AGL: variants seen among roughly 807,000 people sequenced by gnomAD.
The protein encoded by AGL is amylo-alpha-1,6-glucosidase and 4-alpha-glucanotransferase.
A neutral mutation model predicts 199.3 loss-of-function variants in AGL; 128 were observed. The observed-to-expected ratio is 0.64, with a 90% confidence interval of 0.56 to 0.74. AGL has a LOEUF of 0.74. AGL is among the 30% of genes least tolerant of loss of function. The pLI is 0.00. For missense variants in AGL, 1,809 were observed against 1,820.8 expected, an observed-to-expected ratio of 0.99 and a Z score of 0.12; for synonymous variants, 584 against 594.7, an observed-to-expected ratio of 0.98 and a Z score of 0.26.
chr1:99,854,657 G>T (rs930791133), intron 2 of AGL, among the ~76,000 whole-genome samples: 1 of 151,864 alleles, frequency 6.6e-6, no homozygotes, highest in Non-Finnish European at 1.5e-5. Context: ...CCAGCTACTC[G>T]GGAGGCTGAG....
intron 7 of AGL, 29 bp downstream of exon 7, chr1:99,870,898 T>C: frequency 7.4e-7 from 1 of 1,345,006 alleles, no homozygotes; most frequent in East Asian, 2.3e-5. Flanking sequence ...AATGTTCCTA[T>C]CGATTTTAAG....
Position 99,886,851 on chromosome 1 carries a change from T to A in AGL, c.2682-1127T>A, listed in dbSNP as rs546040964. On this transcript the variant is annotated intron_variant, in intron 20 of 33. Transcript: ENST00000361915. ...AGTAGTTGCATTCTTAACCAAAAAA[T>A]CTGTGATGAAGCAGCTTTGTGTTTG... Among the ~76,000 whole-genome samples the A allele has an allele frequency of 9.0e-4, 137 of 152,362 alleles. 1 individual carries two copies. The highest frequency in any genetic ancestry group is 9.1e-4 in the Non-Finnish European group (62 of 68,030).
Position 99,900,669 on chromosome 1 carries a change from G to T in AGL, c.3396G>T (p.Arg1132Ser). Residue 1132 changes from arginine to serine, a missense_variant, in exon 26 of 34, where the codon AGG becomes AGT. Coordinates refer to ENST00000361915, the MANE Select transcript of AGL (RefSeq NM_000642.3). ...TTTTAGCATTTGCGGGTACCCTGAGGCATGGTCTCATTCCTAATCTACTGG... is the reference window on the plus strand; with the variant it reads ...TTTTAGCATTTGCGGGTACCCTGAGTCATGGTCTCATTCCTAATCTACTGG... The part of the protein sequence containing the change: ...NIILAFAGTL[R>S]HGLIPNLLGE... The T allele has an allele frequency of 1.2e-6, 2 of 1,614,114 alleles. No homozygotes were observed. The highest frequency in any genetic ancestry group is 1.7e-6 in the Non-Finnish European group (2 of 1,180,004).
chr1:99,895,559 C>T (rs143116940), intron 24 of AGL, among the ~76,000 whole-genome samples: 49 of 152,206 alleles, frequency 3.2e-4, no homozygotes, highest in African/African-American at 1.1e-3. Flanking sequence ...GTAATAATTT[C>T]ATGTTTAGGT....
At chr1:99,915,958 A>G (rs769683889) in intron 31 of AGL, among the ~76,000 whole-genome samples, 13 of 152,216 alleles carry the variant, frequency 8.5e-5, no homozygotes, top group African/African-American at 1.7e-4. Context: ...GGCCAATTTT[A>G]ATTTTAAAAT....
intron 12 of AGL, among the ~76,000 whole-genome samples, chr1:99,878,269 C>T (rs1651716655): frequency 6.6e-6 from 1 of 151,596 alleles, no homozygotes; most frequent in African/African-American, 2.4e-5. Context: ...CACTTGAACC[C>T]AGGAGGTGGA....
intron 2 of AGL, among the ~76,000 whole-genome samples, chr1:99,860,329 T>G (rs1649930652): frequency 6.6e-6 from 1 of 151,984 alleles, no homozygotes; most frequent in South Asian, 2.1e-4. Flanking sequence ...TCCTTAGATA[T>G]TAAAGATTTT....
chr1:99,859,804 A>G (rs1649887088), intron 2 of AGL, among the ~76,000 whole-genome samples: 1 of 152,182 alleles, frequency 6.6e-6, no homozygotes, highest in South Asian at 2.1e-4. Context: ...GGCCTCCCAG[A>G]GTGTTGAGAT....
At chr1:99,859,411 C>CCT (rs2307533) in intron 2 of AGL, among the ~76,000 whole-genome samples, 114,882 of 151,526 alleles carry the variant, frequency 0.76, 44,233 homozygotes, top group African/African-American at 0.91. Context: ...GCCTTTTTCC[C>CCT]GTTTGTAGTA....
intron 10 of AGL, among the ~76,000 whole-genome samples, chr1:99,876,201 T>C (rs1651520421): frequency 1.3e-5 from 2 of 152,362 alleles, no homozygotes; most frequent in South Asian, 2.1e-4. Flanking sequence ...AAAATAATTT[T>C]ATGAAGTTTT....
intron 29 of AGL, among the ~76,000 whole-genome samples, chr1:99,912,844 A>G (rs1329943080): frequency 2.0e-5 from 3 of 152,230 alleles, no homozygotes; most frequent in African/African-American, 7.2e-5. Context: ...GTCCAAAATA[A>G]TGTGAACCAC....
chr1:99,849,966 A>C (rs1332753247), upstream of AGL: 1 of 152,316 alleles, frequency 6.6e-6, no homozygotes, highest in Non-Finnish European at 1.5e-5. Flanking sequence ...GCAAGGAGAA[A>C]GCGCCGCTCC....
At chr1:99,863,020 A>G (rs1571229457) in intron 4 of AGL, among the ~76,000 whole-genome samples, 1 of 151,698 alleles carries the variant, frequency 6.6e-6, no homozygotes, top group Non-Finnish European at 1.5e-5. Flanking sequence ...GCTCACTACA[A>G]CCTCCACCTC....
intron 25 of AGL, among the ~76,000 whole-genome samples, chr1:99,898,532 G>C (rs543524631): frequency 6.6e-6 from 1 of 152,220 alleles, no homozygotes; most frequent in African/African-American, 2.4e-5. Context: ...GTATTTGTTA[G>C]GGTAGTGCTA....
At chr1:99,903,771 A>G (rs1654036154) in intron 27 of AGL, among the ~76,000 whole-genome samples, 1 of 152,060 alleles carries the variant, frequency 6.6e-6, no homozygotes, top group Non-Finnish European at 1.5e-5. Flanking sequence ...AAGTGTTCCT[A>G]TTTCTCCACA....
At chr1:99,854,637 G>A (rs545019664) in intron 2 of AGL, among the ~76,000 whole-genome samples, 16 of 151,988 alleles carry the variant, frequency 1.1e-4, no homozygotes, top group East Asian at 5.8e-4. Context: ...GGTGGCGGGC[G>A]CCTCTAGTCC....
At chr1:99,865,293 A>G (rs1571233940) in intron 5 of AGL, among the ~76,000 whole-genome samples, 2 of 152,202 alleles carry the variant, frequency 1.3e-5, no homozygotes, top group African/African-American at 4.8e-5. Flanking sequence ...CATGGATCCT[A>G]TATTAGCAGG....
intron 8 of AGL, 113 bp from the exon 9 acceptor site, chr1:99,875,041 T>C (rs1028220603): frequency 1.3e-5 from 14 of 1,097,114 alleles, no homozygotes; most frequent in Admixed American, 8.8e-5. Context: ...TCAGCCATAA[T>C]TGAAATCCCG....
At position 99,881,151 on chromosome 1, in the gene AGL, G is replaced by A. The variant is rs773274876; in HGVS notation, c.1975G>A (p.Gly659Ser). 1.5e-5 allele frequency: 25 copies of A among 1,613,802 alleles called. No homozygotes were observed. The Admixed American group carries it at 4.0e-4, about 26-fold the overall frequency. The change falls in exon 15 of 34, where the codon GGC (glycine) becomes AGC (serine). Residue 659 changes from glycine (G) to serine (S), a missense_variant. By Grantham distance (56) the Gly-to-Ser change is moderately conservative. Coordinates refer to ENST00000361915, the MANE Select transcript of AGL (RefSeq NM_000642.3). Reference sequence around the variant, plus strand: ...ATGTTGTGCTAGTGGAAGTACAAGAGGCTATGATGAATTAGTGCCTCATCA... The same window carrying A: ...ATGTTGTGCTAGTGGAAGTACAAGAAGCTATGATGAATTAGTGCCTCATCA... ...MACCASGSTR[G>S]YDELVPHQIS...
Sources: allele counts gnomAD v4.1 joint callset (sites outside exome capture counted in the v4.1 genomes callset), GRCh38; gene constraint gnomAD v4.1.1; transcripts MANE v1.5; gene names NCBI Gene and HGNC (gene_info 2026-07-23, HGNC 2026-07-21).